Variants in BAIAP2 observed in about 807,000 individuals in gnomAD.
BAIAP2 encodes the protein BAR/IMD domain-containing adapter protein 2.
A neutral mutation model predicts 63.0 loss-of-function variants in BAIAP2; 18 were observed. That is an observed-to-expected ratio of 0.29 (90% CI 0.20 to 0.42). BAIAP2 has a LOEUF of 0.42. Ranked by LOEUF, BAIAP2 falls within the 10% of genes least tolerant of loss-of-function variation. The probability of loss-of-function intolerance (pLI) is 1.00; values close to 1 mark genes in which losing one functional copy is unlikely to be tolerated. For missense variants in BAIAP2, 610 were observed against 734.3 expected (o/e 0.83, Z 1.96); for synonymous variants, 386 against 307.6 (o/e 1.25, Z -2.67).
chr17:81,085,061 T>C, intron 4 of BAIAP2, 168 bp downstream of exon 4: 1 of 712,126 alleles, frequency 1.4e-6, no homozygotes, highest in Non-Finnish European at 2.4e-6. Flanking sequence ...AAGGAGGACG[T>C]CGGAGAAAAG....
rs138656369 is a variant in BAIAP2 at position 81,055,569 on chromosome 17, G to GGTTTTTTTTTTTTTTTTTTTTTTTTT, written c.130+1826_130+1827insGTTTTTTTTTTTTTTTTTTTTTTTTT. 2.6e-3 allele frequency among the ~76,000 whole-genome samples: 241 copies of GGTTTTTTTTTTTTTTTTTTTTTTTTT among 93,742 alleles called. 33 individuals are homozygous for GGTTTTTTTTTTTTTTTTTTTTTTTTT. The highest frequency in any genetic ancestry group is 0.016 in the East Asian group (45 of 2,886). 61.5% of individuals were successfully genotyped at this position (93,742 alleles called of 152,430 possible). A position where few individuals can be genotyped will look rare whatever the true frequency, so the allele number is the denominator to read the frequency against. On this transcript the variant is annotated intron_variant, in intron 2 of 13. Coordinates refer to ENST00000428708, the MANE Select transcript of BAIAP2 (RefSeq NM_001144888.2). ...TTCCTCCAGCGAAAGTCTGCAGGGT[G>GGTTTTTTTTTTTTTTTTTTTTTTTTT]TTTTGTTTTTTTTTGAGACGGAGTC...
At position 81,116,644 on chromosome 17, in the gene BAIAP2, C is replaced by T. The variant is rs1035588490; in HGVS notation, c.*805C>T. On this transcript the variant is annotated 3_prime_UTR_variant, in exon 14 of 14. Transcript: ENST00000428708. ...GCCCCAGGACTCCTGGGTGGACCTCCCCCCCCCACCTCCGCTGACTCCTGC... is the reference window on the plus strand; with the variant it reads ...GCCCCAGGACTCCTGGGTGGACCTCTCCCCCCCACCTCCGCTGACTCCTGC... 4 of 387,156 alleles carry T rather than the reference C, an allele frequency of 1.0e-5. No homozygotes were observed. The highest frequency in any genetic ancestry group is 7.9e-5 in the Admixed American group (2 of 25,418). 24.0% of individuals were successfully genotyped at this position (387,156 alleles called of 1,614,324 possible).
At chr17:81,055,724 C>T (rs993487764) in intron 2 of BAIAP2, among the ~76,000 whole-genome samples, 1 of 151,908 alleles carries the variant, frequency 6.6e-6, no homozygotes, top group African/African-American at 2.4e-5. Flanking sequence ...TGCCACCACG[C>T]CCGGCTAATT....
intron 6 of BAIAP2, chr17:81,098,074 A>G: frequency 2.3e-6 from 3 of 1,297,510 alleles, no homozygotes; most frequent in Non-Finnish European, 3.0e-6. Context: ...CATGATCCCC[A>G]GGCCAGCTGG....
At chr17:81,063,505 C>A (rs1229084392) in intron 3 of BAIAP2, among the ~76,000 whole-genome samples, 3 of 152,208 alleles carry the variant, frequency 2.0e-5, no homozygotes, top group Admixed American at 6.5e-5. Context: ...AGCTCTCCTG[C>A]GGGATGAATT....
chr17:81,103,111 C>T (rs551077721), intron 7 of BAIAP2, among the ~76,000 whole-genome samples: 4 of 152,184 alleles, frequency 2.6e-5, no homozygotes, highest in Admixed American at 6.5e-5. Flanking sequence ...GCCTGACCCC[C>T]ACTGGGCAGC....
At chr17:81,110,619 G>A (rs1488949684) in intron 13 of BAIAP2, 4 of 1,243,936 alleles carry the variant, frequency 3.2e-6, no homozygotes, top group Admixed American at 3.8e-5. Context: ...TCAGTCGCCT[G>A]CTAGATAACC....
chr17:81,110,053 G>A (rs2059717851), intron 13 of BAIAP2: 2 of 985,392 alleles, frequency 2.0e-6, no homozygotes, highest in Admixed American at 6.1e-5. Context: ...GTGGCTACTG[G>A]TATTGTCTCT....
chr17:81,104,749 CG>C, intron 10 of BAIAP2, 34 bp downstream of exon 10: 1 of 1,529,284 alleles, frequency 6.5e-7, no homozygotes, highest in Non-Finnish European at 8.8e-7. Context: ...TCCAGGCAGC[CG>C]CTGCCTTCAG....
intron 4 of BAIAP2, chr17:81,085,121 A>G (rs1396440966): frequency 5.1e-6 from 3 of 586,650 alleles, no homozygotes; most frequent in Non-Finnish European, 6.1e-6. Context: ...AGTGGCAGCC[A>G]TGACACGCTG....
At chr17:81,094,788 C>G (rs146081219) in intron 6 of BAIAP2, among the ~76,000 whole-genome samples, 1,733 of 152,318 alleles carry the variant, frequency 0.011, 16 homozygotes, top group Non-Finnish European at 0.016. Flanking sequence ...GATTCTCACC[C>G]CACACACCAC....
intron 6 of BAIAP2, among the ~76,000 whole-genome samples, chr17:81,095,419 G>A (rs913874847): frequency 6.6e-5 from 10 of 152,118 alleles, no homozygotes; most frequent in Non-Finnish European, 1.0e-4. Flanking sequence ...TCCCCGCACC[G>A]GCCCCTTGTG....
chr17:81,071,105 T>C (rs1231679881), intron 3 of BAIAP2, among the ~76,000 whole-genome samples: 1 of 151,276 alleles, frequency 6.6e-6, no homozygotes, highest in African/African-American at 2.4e-5. Context: ...ATTGATTTTT[T>C]TTTTTTCCCC....
At chr17:81,111,728 C>T (rs1481940814) in intron 13 of BAIAP2, among the ~76,000 whole-genome samples, 2 of 152,212 alleles carry the variant, frequency 1.3e-5, no homozygotes, top group Admixed American at 1.3e-4. Context: ...TTGGGATGTG[C>T]CAGGGTGTCC....
chr17:81,077,648 C>G (rs181373399), intron 3 of BAIAP2, among the ~76,000 whole-genome samples: 1 of 152,042 alleles, frequency 6.6e-6, no homozygotes, highest in Non-Finnish European at 1.5e-5. Flanking sequence ...GCTGGGAGGA[C>G]GGATGCTTGG....
intron 3 of BAIAP2, among the ~76,000 whole-genome samples, chr17:81,059,202 G>A (rs549947188): frequency 1.3e-5 from 2 of 152,366 alleles, no homozygotes; most frequent in South Asian, 4.1e-4. Context: ...TGATGCCCGG[G>A]CGGCTGGAGT....
chr17:81,076,669 C>G (rs987434603), intron 3 of BAIAP2, among the ~76,000 whole-genome samples: 3 of 152,256 alleles, frequency 2.0e-5, no homozygotes, highest in Admixed American at 6.5e-5. Context: ...CCTCGTGTAT[C>G]CATAGGGTGA....
At chr17:81,101,626 C>T (rs549936355) in intron 7 of BAIAP2, among the ~76,000 whole-genome samples, 32 of 138,992 alleles carry the variant, frequency 2.3e-4, no homozygotes, top group South Asian at 1.7e-3. Flanking sequence ...CATGTACGTG[C>T]GCGTGCGTGC....
chr17:81,037,102 A>G, intron 1 of BAIAP2: 1 of 748,842 alleles, frequency 1.3e-6, no homozygotes, highest in South Asian at 1.8e-5. Flanking sequence ...CTGGCAGGAA[A>G]ACTCTTAGGA....
Sources: allele counts gnomAD v4.1 joint callset (sites outside exome capture counted in the v4.1 genomes callset), GRCh38; gene constraint gnomAD v4.1.1; transcripts MANE v1.5; gene names NCBI Gene and HGNC (gene_info 2026-07-23, HGNC 2026-07-21).